TPCN1: variants seen among roughly 807,000 people sequenced by gnomAD.
TPCN1 encodes the protein two pore channel protein 1.
Under a neutral mutation model 108.8 loss-of-function variants are expected in TPCN1, and 52 were observed. That is an observed-to-expected ratio of 0.48 (90% confidence interval 0.38 to 0.60). The LOEUF (loss-of-function observed/expected upper bound fraction) is 0.60. Ranked by LOEUF, TPCN1 falls within the 20% of genes least tolerant of loss-of-function variation. The pLI is 0.00. For missense variants in TPCN1, 806 were observed against 1,072.8 expected (o/e 0.75, Z 3.47); for synonymous variants, 446 against 433.7 (o/e 1.03, Z -0.35).
intron 2 of TPCN1, among the ~76,000 whole-genome samples, chr12:113,235,800 T>C (rs1318014200): frequency 1.3e-5 from 2 of 152,106 alleles, no homozygotes; most frequent in Admixed American, 1.3e-4. Flanking sequence ...CAGGAGGAGA[T>C]GGCGTGCTTC....
intron 2 of TPCN1, among the ~76,000 whole-genome samples, chr12:113,256,429 G>C (rs1026943546): frequency 6.6e-6 from 1 of 152,090 alleles, no homozygotes; most frequent in African/African-American, 2.4e-5. Flanking sequence ...AAGTTCAGAA[G>C]AACTGGGCTA....
chr12:113,221,770 C>T (rs1387961328), intron 1 of TPCN1, 144 bp downstream of exon 1: 4 of 152,944 alleles, frequency 2.6e-5, no homozygotes, highest in Non-Finnish European at 4.4e-5. Flanking sequence ...AGGGAAGTCT[C>T]CACCGCGCTT....
At chr12:113,250,124 A>T (rs1420439052) in intron 2 of TPCN1, 1 of 152,236 alleles carries the variant, frequency 6.6e-6, no homozygotes, top group Non-Finnish European at 1.5e-5. Context: ...GGCTGCAGTT[A>T]ATCGGGAGGT....
rs1369023554 is a variant in TPCN1 at position 113,288,640 on chromosome 12, G to A, written c.1707-118G>A. Reference sequence around the variant, plus strand: ...CTTCCCCGCAGGCACTTTCCAGTTGGTGAACCGACCAGGGGCATGGCCCTG... The same window carrying A: ...CTTCCCCGCAGGCACTTTCCAGTTGATGAACCGACCAGGGGCATGGCCCTG... On this transcript the variant is annotated intron_variant, in intron 20 of 27. Coordinates refer to ENST00000335509, the MANE Select transcript of TPCN1 (RefSeq NM_017901.6). The surrounding 1 kb of genome is among the most constrained non-coding windows in gnomAD (Gnocchi z 4.8). 9 of 1,538,516 alleles carry A rather than the reference G, an allele frequency of 5.8e-6. No homozygotes were observed. In the African/African-American group the frequency reaches 9.5e-5, roughly 16 times the overall value.
Position 113,284,598 on chromosome 12 carries a change from A to T in TPCN1, c.1360A>T (p.Asn454Tyr), listed in dbSNP as rs1464502789. 6.2e-7 allele frequency: 1 copy of T among 1,614,180 alleles called. No homozygotes were observed. Among genetic ancestry groups the T allele is most frequent in the Non-Finnish European group, 8.5e-7 (1 of 1,180,046 alleles). ...QYFMYLVVAV[N>Y]GVWILVETFM... Reference sequence around the variant, plus strand: ...TATTTCAGACTTGGTGGTGGCAGTCAACGGGGTCTGGATCCTCGTGGAGAC... The same window carrying T: ...TATTTCAGACTTGGTGGTGGCAGTCTACGGGGTCTGGATCCTCGTGGAGAC... The change falls in exon 16 of 28, where the codon AAC becomes TAC. Residue 454 changes from asparagine (N) to tyrosine (Y), a missense_variant. Physicochemically the swap from Asn to Tyr is moderately radical, Grantham distance 143 (BLOSUM62 -2). Transcript: ENST00000335509. The surrounding 1 kb of genome is among the most constrained non-coding windows in gnomAD (Gnocchi z 4.1).
At chr12:113,222,243 A>G (rs1336712616) in intron 1 of TPCN1, among the ~76,000 whole-genome samples, 2 of 152,196 alleles carry the variant, frequency 1.3e-5, no homozygotes, top group Non-Finnish European at 2.9e-5. Context: ...TTCTAGTCGT[A>G]GGTGTATATA....
At chr12:113,263,977 A>G (rs2136598031) in intron 3 of TPCN1, among the ~76,000 whole-genome samples, 1 of 152,334 alleles carries the variant, frequency 6.6e-6, no homozygotes, top group South Asian at 2.1e-4. Context: ...GACAACTCCA[A>G]GTCCTAGAGT....
rs776084080 is a variant in TPCN1 at position 113,278,810 on chromosome 12, C to T, written c.1272C>T (p.Pro424=). 6.2e-7 allele frequency: 1 copy of T among 1,613,992 alleles called. No individual in the cohort carries two copies. The highest frequency in any genetic ancestry group is 8.5e-7 in the Non-Finnish European group (1 of 1,179,928). The change falls in exon 14 of 28, where the codon CCC becomes CCT. Residue 424 remains proline, a synonymous_variant. Transcript: ENST00000335509. Reference sequence around the variant, plus strand: ...GAGAGCACTGGTTTGATGAGCTTCCCAGGACGGCGCTCCTCATCTTCAAAG... The same window carrying T: ...GAGAGCACTGGTTTGATGAGCTTCCTAGGACGGCGCTCCTCATCTTCAAAG... The part of the protein sequence containing the change: ...KNREHWFDEL[P]RTALLIFKGI...
At chr12:113,257,846 G>A (rs1187901985) in intron 2 of TPCN1, among the ~76,000 whole-genome samples, 1 of 152,140 alleles carries the variant, frequency 6.6e-6, no homozygotes, top group Non-Finnish European at 1.5e-5. Flanking sequence ...ACAGTGCAAT[G>A]TGGATGAGTT....
chr12:113,294,677 C>G (rs1956371772), intron 27 of TPCN1, among the ~76,000 whole-genome samples: 1 of 151,342 alleles, frequency 6.6e-6, no homozygotes, highest in African/African-American at 2.4e-5. Context: ...TTTGCATGAC[C>G]TCCCAATCTT....
intron 25 of TPCN1, 122 bp downstream of exon 25, chr12:113,292,080 G>A: frequency 1.3e-6 from 1 of 783,478 alleles, no homozygotes; most frequent in South Asian, 1.4e-5. Flanking sequence ...TGGCTGTCCA[G>A]CTTATCTATC....
At position 113,231,190 on chromosome 12, in the gene TPCN1, C is replaced by T. The variant is rs1011994874; in HGVS notation, c.112+4226C>T. On this transcript the variant is annotated intron_variant, in intron 2 of 27. Transcript: ENST00000335509. The surrounding 1 kb of genome is among the most constrained non-coding windows in gnomAD (Gnocchi z 4.3). ...CTTCTCAGCACTGTACCTCCACGCTCCATGTCTGGTTGGGCACCCCTAACA... is the reference window on the plus strand; with the variant it reads ...CTTCTCAGCACTGTACCTCCACGCTTCATGTCTGGTTGGGCACCCCTAACA... Among the ~76,000 whole-genome samples the T allele has an allele frequency of 7.2e-5, 11 of 152,230 alleles. No individual in the cohort carries two copies. The highest frequency in any genetic ancestry group is 2.7e-4 in the African/African-American group (11 of 41,456).
At chr12:113,263,090 A>G (rs1463631360) in intron 3 of TPCN1, among the ~76,000 whole-genome samples, 2 of 152,232 alleles carry the variant, frequency 1.3e-5, no homozygotes, top group South Asian at 2.1e-4. Context: ...ACAGATATCC[A>G]TACATATCTC....
Position 113,284,603 on chromosome 12 carries a change from G to T in TPCN1, c.1365G>T (p.Gly455=). The change falls in exon 16 of 28, where the codon GGG becomes GGT. Residue 455 remains glycine (G), a synonymous_variant. Transcript: ENST00000335509. This position sits in a 1 kb window ranked among gnomAD's most constrained non-coding sequence, Gnocchi z 4.1. ...YFMYLVVAVN[G]VWILVETFML... is the part of the protein sequence containing the mutation. ...CAGACTTGGTGGTGGCAGTCAACGGGGTCTGGATCCTCGTGGAGACATTTA... is the reference window on the plus strand; with the variant it reads ...CAGACTTGGTGGTGGCAGTCAACGGTGTCTGGATCCTCGTGGAGACATTTA... 1.2e-6 allele frequency: 2 copies of T among 1,614,148 alleles called. No individual in the cohort carries two copies. The highest frequency in any genetic ancestry group is 4.5e-5 in the East Asian group (2 of 44,880).
intron 2 of TPCN1, among the ~76,000 whole-genome samples, chr12:113,235,854 A>G (rs1953871659): frequency 6.6e-6 from 1 of 152,080 alleles, no homozygotes; most frequent in Non-Finnish European, 1.5e-5. Flanking sequence ...GGCTTTAGAG[A>G]TCGGATTAAG....
Position 113,293,286 on chromosome 12 carries a change from T to G in TPCN1, c.2271T>G (p.Phe757Leu). 1 of 1,614,096 alleles carries G rather than the reference T, an allele frequency of 6.2e-7. No individual in the cohort carries two copies. Among genetic ancestry groups the G allele is most frequent in the Non-Finnish European group, 8.5e-7 (1 of 1,180,020 alleles). ...TTCCTTAGCAACATTCCATGGTGTT[T>G]CTGGGACGGCGATCAAGGACCAAGA... Reference protein sequence around the residue: ...MERYQQHSMVFLGRRSRTKSD... With the variant: ...MERYQQHSMVLLGRRSRTKSD... Residue 757 changes from phenylalanine to leucine, a missense_variant, in exon 27 of 28, where the codon TTT (phenylalanine) becomes TTG (leucine). Phe to Leu is a conservative substitution (Grantham distance 22). Transcript: ENST00000335509.
intron 27 of TPCN1, among the ~76,000 whole-genome samples, chr12:113,295,642 G>A (rs922882937): frequency 6.6e-6 from 1 of 152,056 alleles, no homozygotes; most frequent in African/African-American, 2.4e-5. Context: ...GGGGTCACTC[G>A]GGGGGCCCTT....
At chr12:113,236,942 G>A (rs1434688533) in intron 2 of TPCN1, among the ~76,000 whole-genome samples, 1 of 152,224 alleles carries the variant, frequency 6.6e-6, no homozygotes, top group Admixed American at 6.5e-5. Context: ...TTGGGTGGAT[G>A]TCAGCCATTA....
At chr12:113,271,070 C>T (rs1326585264) in intron 7 of TPCN1, among the ~76,000 whole-genome samples, 1 of 151,460 alleles carries the variant, frequency 6.6e-6, no homozygotes, top group Non-Finnish European at 1.5e-5. Flanking sequence ...CCAGCCTGGG[C>T]AAGATAGGGA....
Sources: gnomAD v4.1 joint callset for allele counts (sites outside exome capture counted in the v4.1 genomes callset) on GRCh38, gnomAD v4.1.1 for gene constraint, Gnocchi (gnomAD v3.1) non-coding constraint, MANE v1.5 for transcripts, NCBI Gene and HGNC (gene_info 2026-07-23, HGNC 2026-07-21) for gene names.